The following THSD4 variants were observed in gnomAD, a reference collection of about 807,000 sequenced individuals.
The protein encoded by THSD4 is thrombospondin type 1 domain containing 4, also known as thrombospondin type-1 domain-containing protein 4.
THSD4 carries 69 observed loss-of-function variants against 119.0 expected under a neutral mutation model. The observed-to-expected ratio is 0.58, with a 90% CI of 0.48 to 0.71. The LOEUF (loss-of-function observed/expected upper bound fraction) is 0.71, where lower values mean the gene tolerates loss of function less well. THSD4 is among the 30% of genes least tolerant of loss of function. The pLI is 0.00. For synonymous variants in THSD4, 524 were observed against 540.4 expected, an observed-to-expected ratio of 0.97 and a Z score of 0.42; for missense variants, 1,393 against 1,391.1, an observed-to-expected ratio of 1.00 and a Z score of -0.02.
Position 71,215,217 on chromosome 15 carries a change from C to A in THSD4, c.282C>A (p.Gly94=), listed in dbSNP as rs112104417. The part of the protein sequence containing the change: ...SYRLRGGQRP[G]APARAFADHV... The stretch of plus-strand genomic sequence containing the variant: ...GCCTGCGCGGCGGCCAGCGGCCTGG[C>A]GCCCCTGCGCGCGCCTTCGCGGACC... Residue 94 remains glycine, a synonymous_variant, in exon 4 of 18, where the codon GGC becomes GGA. Coordinates refer to ENST00000261862, the MANE Select transcript of THSD4 (RefSeq NM_024817.3). 22 of 1,377,552 alleles carry A rather than the reference C, an allele frequency of 1.6e-5. No individual in the cohort carries two copies. Among genetic ancestry groups the A allele is most frequent in the African/African-American group, 4.6e-5 (3 of 65,638 alleles). 85.3% of individuals were successfully genotyped at this position (1,377,552 alleles called of 1,614,324 possible).
chr15:71,565,990 A>G (rs1390008949), intron 7 of THSD4, among the ~76,000 whole-genome samples: 1 of 152,096 alleles, frequency 6.6e-6, no homozygotes, highest in Non-Finnish European at 1.5e-5. Context: ...AAACCAACTA[A>G]AGACCTGAAA....
intron 2 of THSD4, among the ~76,000 whole-genome samples, chr15:71,151,021 A>C (rs1016224560): frequency 2.0e-5 from 3 of 152,148 alleles, no homozygotes; most frequent in Admixed American, 2.0e-4. Context: ...GAGAAATTTA[A>C]ATAAAGACAT....
intron 7 of THSD4, among the ~76,000 whole-genome samples, chr15:71,502,316 T>A (rs1021844429): frequency 4.3e-4 from 65 of 152,158 alleles, no homozygotes; most frequent in African/African-American, 1.5e-3. Flanking sequence ...TATCATGTGC[T>A]ATGGAAATGA....
intron 6 of THSD4, among the ~76,000 whole-genome samples, chr15:71,375,500 A>G (rs1474819850): frequency 6.6e-6 from 1 of 151,998 alleles, no homozygotes; most frequent in African/African-American, 2.4e-5. Flanking sequence ...CCAGCCCCCT[A>G]CTGTGTCTTT....
intron 3 of THSD4, among the ~76,000 whole-genome samples, chr15:71,180,554 G>A (rs955596806): frequency 9.9e-5 from 15 of 152,114 alleles, no homozygotes; most frequent in African/African-American, 3.6e-4. Context: ...CTTCAAATAT[G>A]TAATTGATTA....
At chr15:71,283,221 G>A (rs755284293) in intron 6 of THSD4, among the ~76,000 whole-genome samples, 11 of 152,132 alleles carry the variant, frequency 7.2e-5, no homozygotes, top group South Asian at 6.2e-4. Flanking sequence ...CGCCAGCCTC[G>A]GCCTCCCAAA....
chr15:71,705,976 A>C (rs2052384860), intron 8 of THSD4, among the ~76,000 whole-genome samples: 1 of 152,232 alleles, frequency 6.6e-6, no homozygotes, highest in South Asian at 2.1e-4. Flanking sequence ...TGAAGGATAC[A>C]CAGGCTTTGG....
chr15:71,203,526 G>GT (rs1596267298), intron 3 of THSD4, among the ~76,000 whole-genome samples: 1 of 152,172 alleles, frequency 6.6e-6, no homozygotes, highest in East Asian at 1.9e-4. Flanking sequence ...GGGCATGATG[G>GT]TGTGTGCCTG....
At chr15:71,545,924 C>G (rs2048830474) in intron 7 of THSD4, among the ~76,000 whole-genome samples, 1 of 152,144 alleles carries the variant, frequency 6.6e-6, no homozygotes, top group South Asian at 2.1e-4. Flanking sequence ...AAAGTTTCCT[C>G]ATTAATGCAG....
At chr15:71,459,169 T>A (rs573344752) in intron 7 of THSD4, among the ~76,000 whole-genome samples, 1 of 148,300 alleles carries the variant, frequency 6.7e-6, no homozygotes, top group Non-Finnish European at 1.5e-5. Context: ...TCTTTTTTTT[T>A]TTTTTTTTTG....
At chr15:71,104,852 G>A (rs1040259051) in intron 1 of THSD4, among the ~76,000 whole-genome samples, 6 of 152,210 alleles carry the variant, frequency 3.9e-5, no homozygotes, top group Admixed American at 1.3e-4. Flanking sequence ...GTTAAGATAA[G>A]GAAGTATGTG....
chr15:71,539,063 G>A (rs900189723), intron 7 of THSD4, among the ~76,000 whole-genome samples: 1 of 152,232 alleles, frequency 6.6e-6, no homozygotes, highest in Non-Finnish European at 1.5e-5. Flanking sequence ...ATAGAAATCA[G>A]AGAAGGGTAA....
intron 7 of THSD4, among the ~76,000 whole-genome samples, chr15:71,414,421 A>G (rs910646801): frequency 6.6e-6 from 1 of 152,156 alleles, no homozygotes; most frequent in African/African-American, 2.4e-5. Context: ...GCAGATTCTG[A>G]TTCAGTAGGG....
chr15:71,667,193 G>A (rs938727342), intron 8 of THSD4, among the ~76,000 whole-genome samples: 1 of 152,110 alleles, frequency 6.6e-6, no homozygotes, highest in Non-Finnish European at 1.5e-5. Context: ...TAGAACTCCT[G>A]TATCTATTGT....
intron 7 of THSD4, among the ~76,000 whole-genome samples, chr15:71,521,778 A>G (rs1444351688): frequency 6.6e-6 from 1 of 152,196 alleles, no homozygotes; most frequent in Non-Finnish European, 1.5e-5. Flanking sequence ...CTTGGAGAAA[A>G]AAGTTACGAG....
intron 6 of THSD4, among the ~76,000 whole-genome samples, chr15:71,330,326 C>G (rs1158587470): frequency 6.6e-6 from 1 of 152,124 alleles, no homozygotes; most frequent in Non-Finnish European, 1.5e-5. Flanking sequence ...ATGACATGTA[C>G]TTTCTAAAGC....
At chr15:71,496,425 G>T (rs1224205339) in intron 7 of THSD4, among the ~76,000 whole-genome samples, 1 of 152,076 alleles carries the variant, frequency 6.6e-6, no homozygotes, top group Non-Finnish European at 1.5e-5. Context: ...TCTGCGTATG[G>T]GCAGTGAGGA....
intron 3 of THSD4, among the ~76,000 whole-genome samples, chr15:71,199,675 GGTGT>G (rs1335618332): frequency 2.4e-5 from 1 of 42,040 alleles, no homozygotes; most frequent in Non-Finnish European, 5.5e-5. Context: ...ATGTGTGGAG[GGTGT>G]GTGTGTGTGT....
chr15:71,678,928 A>C (rs1363898914), intron 8 of THSD4, among the ~76,000 whole-genome samples: 1 of 152,142 alleles, frequency 6.6e-6, no homozygotes, highest in Non-Finnish European at 1.5e-5. Flanking sequence ...TTGGGGGCAG[A>C]ATTTGTCTCA....
Sources: gnomAD v4.1 joint callset for allele counts (sites outside exome capture counted in the v4.1 genomes callset) on GRCh38, gnomAD v4.1.1 for gene constraint, MANE v1.5 for transcripts, NCBI Gene and HGNC (gene_info 2026-07-23, HGNC 2026-07-21) for gene names.